ADK: variants seen among roughly 807,000 people sequenced by gnomAD.
The protein encoded by ADK is N6,N6-dimethyladenosine kinase.
In ADK, 24 loss-of-function variants were observed where a neutral mutation model predicts 44.7. The observed-to-expected ratio is 0.54, with a 90% CI of 0.39 to 0.76. The LOEUF (loss-of-function observed/expected upper bound fraction) is 0.76. Among genes scored for constraint, ADK ranks in the 30% least tolerant of loss-of-function variants. The probability of loss-of-function intolerance (pLI) is 0.00; values close to 1 mark genes in which losing one functional copy is unlikely to be tolerated. For missense variants in ADK, 321 were observed against 425.1 expected (o/e 0.76, Z 2.15); for synonymous variants, 128 against 142.6 (o/e 0.90, Z 0.73).
intron 7 of ADK, among the ~76,000 whole-genome samples, chr10:74,538,245 C>T (rs921150523): frequency 6.7e-5 from 10 of 149,926 alleles, no homozygotes; most frequent in Non-Finnish European, 1.3e-4. Context: ...CAGAGCGAGA[C>T]TCCGTCTCAC....
chr10:74,217,041 G>T (rs573810006), intron 2 of ADK, among the ~76,000 whole-genome samples: 1 of 152,214 alleles, frequency 6.6e-6, no homozygotes, highest in Non-Finnish European at 1.5e-5. Context: ...GCAGCGCACC[G>T]TGCATGAGCC....
chr10:74,300,236 T>TTCTCTCTCTC (rs149691370), intron 3 of ADK, among the ~76,000 whole-genome samples: 3 of 139,006 alleles, frequency 2.2e-5, no homozygotes, highest in African/African-American at 8.3e-5. Flanking sequence ...GTTTCTTTCT[T>TTCTCTCTCTC]TCTCTCTCTC....
chr10:74,362,809 T>C (rs1282661306), intron 4 of ADK, among the ~76,000 whole-genome samples: 1 of 152,360 alleles, frequency 6.6e-6, no homozygotes, highest in East Asian at 1.9e-4. Flanking sequence ...TTCTGAGTCC[T>C]GCAAGGGCAC....
chr10:74,440,013 GAT>G (rs911461918), intron 6 of ADK, among the ~76,000 whole-genome samples: 2 of 151,760 alleles, frequency 1.3e-5, no homozygotes, highest in African/African-American at 4.8e-5. Context: ...AAACTTAGTT[GAT>G]TATTTTAAGT....
intron 3 of ADK, among the ~76,000 whole-genome samples, chr10:74,307,354 T>G (rs1401640992): frequency 6.6e-6 from 1 of 152,204 alleles, no homozygotes; most frequent in East Asian, 1.9e-4. Flanking sequence ...AAATGTCAAA[T>G]TTTGTTTCTC....
At chr10:74,600,123 A>G (rs958554507) in intron 8 of ADK, among the ~76,000 whole-genome samples, 1 of 152,194 alleles carries the variant, frequency 6.6e-6, no homozygotes, top group South Asian at 2.1e-4. Flanking sequence ...GAATAATTTG[A>G]AAAGCAAGTG....
At chr10:74,155,780 G>A (rs915884910) in intron 1 of ADK, among the ~76,000 whole-genome samples, 2 of 151,920 alleles carry the variant, frequency 1.3e-5, no homozygotes, top group South Asian at 2.1e-4. Context: ...TGATCCACCC[G>A]CCTCAGCCTC....
chr10:74,539,941 GAA>G (rs1428207593), intron 7 of ADK, among the ~76,000 whole-genome samples: 1 of 152,186 alleles, frequency 6.6e-6, no homozygotes, highest in Non-Finnish European at 1.5e-5. Flanking sequence ...TGTGCTATGG[GAA>G]AGATTCAGAA....
intron 7 of ADK, among the ~76,000 whole-genome samples, chr10:74,562,622 A>G (rs1850503096): frequency 6.6e-6 from 1 of 152,250 alleles, no homozygotes. Flanking sequence ...AGAACAGAGA[A>G]AATCAAGTCT....
intron 3 of ADK, among the ~76,000 whole-genome samples, chr10:74,265,450 G>A (rs1283097610): frequency 6.6e-6 from 1 of 151,882 alleles, no homozygotes; most frequent in Non-Finnish European, 1.5e-5. Context: ...TCCTGACCTC[G>A]TGATCCACCT....
At chr10:74,384,542 C>T (rs139077906) in intron 4 of ADK, among the ~76,000 whole-genome samples, 49 of 152,168 alleles carry the variant, frequency 3.2e-4, no homozygotes, top group African/African-American at 1.2e-3. Flanking sequence ...TGGTGGCGTG[C>T]ACCTGTAATC....
At chr10:74,526,397 T>C (rs1849044529) in intron 7 of ADK, among the ~76,000 whole-genome samples, 1 of 152,172 alleles carries the variant, frequency 6.6e-6, no homozygotes, top group African/African-American at 2.4e-5. Flanking sequence ...TCTTTAAAAA[T>C]CCATGAAAGA....
intron 7 of ADK, chr10:74,527,772 T>C: frequency 6.4e-7 from 1 of 1,569,438 alleles, no homozygotes; most frequent in South Asian, 1.1e-5. Context: ...TTACCACATC[T>C]GAGAGAAACC....
chr10:74,365,382 G>T (rs1313502009), intron 4 of ADK, among the ~76,000 whole-genome samples: 2 of 152,126 alleles, frequency 1.3e-5, no homozygotes, highest in African/African-American at 4.8e-5. Context: ...CACTATATGT[G>T]ACCTTTTCTG....
chr10:74,584,466 C>CT lies in ADK; in HGVS notation c.727-4815dup, dbSNP rs138608903. Among the ~76,000 whole-genome samples, 1,428 of 152,226 alleles carry CT rather than the reference C, an allele frequency of 9.4e-3. 25 individuals are homozygous for CT. The highest frequency in any genetic ancestry group is 0.033 in the African/African-American group (1,355 of 41,518). ...CTAGACCCTGTACTCTTTCCATTGG[C>CT]TATAATTGCTTCCTACCAGTACTAT... On this transcript the variant is annotated intron_variant, in intron 7 of 10. Transcript: ENST00000539909.
At chr10:74,321,329 G>A (rs941289798) in intron 4 of ADK, among the ~76,000 whole-genome samples, 2 of 151,610 alleles carry the variant, frequency 1.3e-5, no homozygotes, top group African/African-American at 4.9e-5. Flanking sequence ...TGTCACCCAG[G>A]CTGGAGTGCA....
At chr10:74,522,183 T>A (rs1302010906) in intron 6 of ADK, among the ~76,000 whole-genome samples, 1 of 152,136 alleles carries the variant, frequency 6.6e-6, no homozygotes, top group East Asian at 1.9e-4. Context: ...GCAAAAACTG[T>A]ATTTTTATGC....
chr10:74,393,698 G>A (rs918593371), intron 4 of ADK, among the ~76,000 whole-genome samples: 1 of 152,170 alleles, frequency 6.6e-6, no homozygotes, highest in Non-Finnish European at 1.5e-5. Flanking sequence ...AAACATGAGT[G>A]AAATGAGAAA....
intron 9 of ADK, among the ~76,000 whole-genome samples, chr10:74,604,749 G>A (rs1184331950): frequency 6.6e-6 from 1 of 152,020 alleles, no homozygotes; most frequent in East Asian, 1.9e-4. Flanking sequence ...CTCTTTTTTG[G>A]TTCCATATGA....
Sources: allele counts gnomAD v4.1 joint callset (sites outside exome capture counted in the v4.1 genomes callset), GRCh38; gene constraint gnomAD v4.1.1; transcripts MANE v1.5; gene names NCBI Gene and HGNC (gene_info 2026-07-23, HGNC 2026-07-21).